The following LMF1 variants were observed in gnomAD, a reference collection of about 807,000 sequenced individuals.
The protein encoded by LMF1 is lipase maturation factor 1, also known as transmembrane protein 112.
A neutral mutation model predicts 60.6 loss-of-function variants in LMF1; 68 were observed. The observed-to-expected ratio is 1.12, with a 90% confidence interval of 0.92 to 1.37. The LOEUF (loss-of-function observed/expected upper bound fraction) is 1.37, where lower values mean the gene tolerates loss of function less well. Ranked by LOEUF, LMF1 falls within the 40% of genes most tolerant of loss-of-function variation. The pLI, the probability that LMF1 is intolerant of heterozygous loss-of-function variation, is 0.00. For synonymous variants in LMF1, 418 were observed against 324.7 expected (o/e 1.29, Z -3.09); for missense variants, 948 against 767.2 (o/e 1.24, Z -2.78).
chr16:954,005 A>G (rs547014099), intron 2 of LMF1, among the ~76,000 whole-genome samples: 62 of 90,746 alleles, frequency 6.8e-4, no homozygotes, highest in African/African-American at 9.3e-4. Flanking sequence ...CCAGCCTCCT[A>G]CACGTCCACA....
At position 962,216 on chromosome 16, in the gene LMF1, C is replaced by T. The variant is rs1000058485; in HGVS notation, c.194-7550G>A. Among the ~76,000 whole-genome samples, 4 of 139,150 alleles carry T rather than the reference C, an allele frequency of 2.9e-5. No homozygotes were observed. Among genetic ancestry groups the T allele is most frequent in the Non-Finnish European group, 4.6e-5 (3 of 64,946 alleles). 91.3% of individuals were successfully genotyped at this position (139,150 alleles called of 152,430 possible). A position where few individuals can be genotyped will look rare whatever the true frequency, so the allele number is the denominator to read the frequency against. ...GGATCACGACCCAGACACAGACTCA[C>T]GGTGACAGCATGGGATCACGACCCA... On this transcript the variant is annotated intron_variant, in intron 1 of 10. Coordinates refer to ENST00000262301, the MANE Select transcript of LMF1 (RefSeq NM_022773.4). The surrounding 1 kb of genome is among the most constrained non-coding windows in gnomAD (Gnocchi z 4.5).
intron 1 of LMF1, among the ~76,000 whole-genome samples, chr16:955,101 T>C (rs532161684): frequency 3.4e-5 from 5 of 145,720 alleles, no homozygotes; most frequent in East Asian, 2.1e-4. Flanking sequence ...ACGCGGTGTG[T>C]GCACACACAC....
At chr16:863,342 A>G (rs1386808217) in intron 10 of LMF1, among the ~76,000 whole-genome samples, 1 of 152,134 alleles carries the variant, frequency 6.6e-6, no homozygotes, top group Non-Finnish European at 1.5e-5. Context: ...GGGTTTCACC[A>G]TGTTGGCCAT....
intron 3 of LMF1, among the ~76,000 whole-genome samples, chr16:923,503 C>T (rs919646056): frequency 6.6e-6 from 1 of 152,162 alleles, no homozygotes; most frequent in Non-Finnish European, 1.5e-5. Flanking sequence ...CCCGGCTACT[C>T]AGGAGGCTGA....
Position 871,208 on chromosome 16 carries a change from A to G in LMF1, c.1031T>C (p.Leu344Pro), listed in dbSNP as rs2069779961. 6.2e-7 allele frequency: 1 copy of G among 1,611,028 alleles called. No homozygotes were observed. Among genetic ancestry groups the G allele is most frequent in the Non-Finnish European group, 8.5e-7 (1 of 1,179,328 alleles). The change falls in exon 7 of 11, where the codon CTG (leucine) becomes CCG (proline). Residue 344 changes from leucine to proline, a missense_variant. Physicochemically the swap from Leu to Pro is moderately conservative, Grantham distance 98. Transcript: ENST00000262301. The part of the protein sequence containing the change: ...SGPGSLKDRV[L>P]QMQRDIRGAR... ...CCCTCGGATGTCCCTCTGCATCTGC[A>G]GAACTCGGTCCTTCAGGCTGCCTGG...
intron 1 of LMF1, among the ~76,000 whole-genome samples, chr16:955,032 TAC>T (rs1161913606): frequency 2.0e-4 from 26 of 130,392 alleles, no homozygotes; most frequent in South Asian, 7.6e-4. Flanking sequence ...GGTGTGTGCA[TAC>T]ACACACACAC....
chr16:880,115 C>T (rs891677916), intron 5 of LMF1, among the ~76,000 whole-genome samples: 1 of 152,200 alleles, frequency 6.6e-6, no homozygotes, highest in Non-Finnish European at 1.5e-5. Context: ...AGCTGCAACC[C>T]CCAAGAGCCG....
chr16:862,620 G>A (rs956429127), intron 10 of LMF1, among the ~76,000 whole-genome samples: 1 of 152,174 alleles, frequency 6.6e-6, no homozygotes, highest in African/African-American at 2.4e-5. Context: ...CACTTTGGGA[G>A]GCTGAGGTGG....
chr16:893,996 A>C (rs62013778), intron 4 of LMF1, among the ~76,000 whole-genome samples: 1 of 145,920 alleles, frequency 6.9e-6, no homozygotes, highest in African/African-American at 2.6e-5. Flanking sequence ...TGTCCACCCC[A>C]CTGTCCACCC....
rs201177861 is a variant in LMF1, at chr16:880,168, G to A, written c.730-431C>T. Among the ~76,000 whole-genome samples the A allele has an allele frequency of 3.3e-3, 509 of 152,280 alleles. 9 individuals carry two copies. Among genetic ancestry groups the A allele is most frequent in the African/African-American group, 0.012 (490 of 41,558 alleles). On this transcript the variant is annotated intron_variant, in intron 5 of 10. Coordinates refer to ENST00000262301, the MANE Select transcript of LMF1 (RefSeq NM_022773.4). ...CTCAGGCTCAGGATGCCCTTTCCCT[G>A]GGGATGGACACGTGGGTGGGGACGT... is the stretch of plus-strand genomic sequence containing the variant.
intron 3 of LMF1, among the ~76,000 whole-genome samples, chr16:924,807 A>T (rs1189168936): frequency 6.6e-6 from 1 of 152,380 alleles, no homozygotes; most frequent in Non-Finnish European, 1.5e-5. Flanking sequence ...AGTATATTTT[A>T]AAATTCTGAT....
chr16:873,988 T>G (rs2069889621), intron 6 of LMF1: 1 of 152,430 alleles, frequency 6.6e-6, no homozygotes, highest in South Asian at 2.1e-4. Flanking sequence ...GCATGGAACG[T>G]CCGAGTCGGG....
intron 2 of LMF1, among the ~76,000 whole-genome samples, chr16:941,632 T>G (rs1337823063): frequency 6.6e-6 from 1 of 152,248 alleles, no homozygotes; most frequent in Non-Finnish European, 1.5e-5. Flanking sequence ...ACCTGGTTTT[T>G]CGTCCTGTTC....
At chr16:883,874 G>T (rs1046156623) in intron 5 of LMF1, 5 of 152,156 alleles carry the variant, frequency 3.3e-5, no homozygotes, top group African/African-American at 1.2e-4. Flanking sequence ...GTCACAAACT[G>T]CCTATAAATG....
At chr16:969,212 G>A (rs1236567830) in intron 1 of LMF1, among the ~76,000 whole-genome samples, 2 of 152,184 alleles carry the variant, frequency 1.3e-5, no homozygotes, top group African/African-American at 2.4e-5. Context: ...CTACTCGGAA[G>A]GCTGAGGCAG....
chr16:978,622 G>C (rs1260525543), intron 1 of LMF1, among the ~76,000 whole-genome samples: 1 of 152,118 alleles, frequency 6.6e-6, no homozygotes, highest in South Asian at 2.1e-4. Context: ...CCCCATCAGG[G>C]TATACTTGAA....
In LMF1 at chr16:955,129, C is replaced by A. The variant is rs1462327142; in HGVS notation, c.194-463G>T. 1.1e-4 allele frequency among the ~76,000 whole-genome samples: 16 copies of A among 142,102 alleles called. 2 individuals are homozygous for A. The highest frequency in any genetic ancestry group is 2.1e-4 in the Non-Finnish European group (14 of 66,616). The allele number at this position is 142,102 out of a possible 152,430, so 93.2% of individuals were successfully genotyped here. Reference sequence around the variant, plus strand: ...ACACACACACACACATCTAAGTAAACTAGACAAGTTACATAAAATGCGTGC... The same window carrying A: ...ACACACACACACACATCTAAGTAAAATAGACAAGTTACATAAAATGCGTGC... On this transcript the variant is annotated intron_variant, in intron 1 of 10. Coordinates refer to ENST00000262301, the MANE Select transcript of LMF1 (RefSeq NM_022773.4).
At chr16:948,975 TCAACGACAGAGTCAGC>T (rs1567297703) in intron 2 of LMF1, among the ~76,000 whole-genome samples, 1 of 20,368 alleles carries the variant, frequency 4.9e-5, no homozygotes, top group Non-Finnish European at 7.6e-5. Context: ...ACAGAGTCAG[TCAACGACAGAGTCAGC>T]CAACGACAGA....
intron 7 of LMF1, 68 bp from the exon 8 acceptor site, chr16:870,950 C>A: frequency 6.6e-7 from 1 of 1,514,564 alleles, no homozygotes; most frequent in Non-Finnish European, 8.8e-7. Flanking sequence ...TGGGGAGACC[C>A]CAGCTGCTGC....
Sources: allele counts gnomAD v4.1 joint callset (sites outside exome capture counted in the v4.1 genomes callset), GRCh38; gene constraint gnomAD v4.1.1; non-coding constraint Gnocchi (gnomAD v3.1); transcripts MANE v1.5; gene names NCBI Gene and HGNC (gene_info 2026-07-23, HGNC 2026-07-21).